Variants in REDIC1 observed in about 807,000 individuals in gnomAD.
REDIC1 encodes HEI10 Interacting Protein 1.
At chr12:39,722,376 A>T in the REDIC1 span, among the ~76,000 whole-genome samples, 2 of 152,292 alleles carry the variant, frequency 1.3e-5, no homozygotes, top group Non-Finnish European at 1.5e-5. Flanking sequence ...GAATATAATT[A>T]TCTGATATAT....
At chr12:39,718,581 A>G in the REDIC1 span, among the ~76,000 whole-genome samples, 5 of 152,254 alleles carry the variant, frequency 3.3e-5, no homozygotes, top group South Asian at 8.3e-4. Flanking sequence ...ACCTGACTGC[A>G]TTTGCACAAA....
At chr12:39,697,487 AACT>A in the REDIC1 span, among the ~76,000 whole-genome samples, 1 of 152,254 alleles carries the variant, frequency 6.6e-6, no homozygotes, top group African/African-American at 2.4e-5. Flanking sequence ...AATGTGTGTA[AACT>A]ACTCATATCT....
the REDIC1 span, among the ~76,000 whole-genome samples, chr12:39,840,320 G>A: frequency 1.3e-5 from 2 of 151,834 alleles, no homozygotes; most frequent in South Asian, 4.2e-4. Context: ...TCTTCTAAAG[G>A]GGCCTGCTTC....
chr12:39,864,448 A>T, the REDIC1 span, among the ~76,000 whole-genome samples: 3 of 152,236 alleles, frequency 2.0e-5, no homozygotes, highest in African/African-American at 7.2e-5. Context: ...ACTGAATTGT[A>T]TATGATCTAA....
chr12:39,806,453 A>C, the REDIC1 span, among the ~76,000 whole-genome samples: 1 of 152,186 alleles, frequency 6.6e-6, no homozygotes, highest in Non-Finnish European at 1.5e-5. Context: ...TACAGGATAT[A>C]TATTTTCCCT....
chr12:39,703,912 T>C, the REDIC1 span, among the ~76,000 whole-genome samples: 3 of 152,092 alleles, frequency 2.0e-5, no homozygotes, highest in Non-Finnish European at 4.4e-5. Flanking sequence ...TTACACCTCA[T>C]ACAAAAATCA....
the REDIC1 span, among the ~76,000 whole-genome samples, chr12:39,777,761 T>C: frequency 2.0e-5 from 3 of 152,178 alleles, no homozygotes; most frequent in African/African-American, 7.2e-5. Context: ...AGTGGCAGAA[T>C]GACATGGAGT....
At chr12:39,758,038 TATGAG>T in the REDIC1 span, 2 of 151,750 alleles carry the variant, frequency 1.3e-5, no homozygotes, top group African/African-American at 4.8e-5. Context: ...AGAAATTTCT[TATGAG>T]ATAAGAAATA....
chr12:39,697,129 CAAGT>C, the REDIC1 span, among the ~76,000 whole-genome samples: 2 of 152,092 alleles, frequency 1.3e-5, no homozygotes, highest in African/African-American at 4.8e-5. Flanking sequence ...AGAAAAGAAA[CAAGT>C]AACATACAAT....
chr12:39,701,830 T>G, the REDIC1 span, among the ~76,000 whole-genome samples: 1 of 151,838 alleles, frequency 6.6e-6, no homozygotes, highest in African/African-American at 2.4e-5. Flanking sequence ...AACCTGCTCC[T>G]GAATGACTAC....
At chr12:39,657,054 G>C in the REDIC1 span, among the ~76,000 whole-genome samples, 1 of 152,154 alleles carries the variant, frequency 6.6e-6, no homozygotes, top group Admixed American at 6.5e-5. Flanking sequence ...GTCTACAGTA[G>C]TGTATAGTAA....
the REDIC1 span, among the ~76,000 whole-genome samples, chr12:39,827,280 CTTGGTT>C: frequency 6.6e-6 from 1 of 152,080 alleles, no homozygotes; most frequent in African/African-American, 2.4e-5. Flanking sequence ...AGCAAAGGCT[CTTGGTT>C]TTGCTTTTTC....
At chr12:39,799,196 C>CCTT in the REDIC1 span, among the ~76,000 whole-genome samples, 1 of 150,448 alleles carries the variant, frequency 6.6e-6, no homozygotes, top group Non-Finnish European at 1.5e-5. Flanking sequence ...GATTCTCCTA[C>CCTT]CTTCTACCTT....
the REDIC1 span, among the ~76,000 whole-genome samples, chr12:39,810,037 G>A: frequency 2.0e-5 from 3 of 152,146 alleles, no homozygotes; most frequent in Non-Finnish European, 4.4e-5. Flanking sequence ...TGGGATGGCT[G>A]GGGCAAATGG....
At chr12:39,893,667 A>G in the REDIC1 span, among the ~76,000 whole-genome samples, 2 of 152,174 alleles carry the variant, frequency 1.3e-5, no homozygotes, top group African/African-American at 2.4e-5. Context: ...GTTAAATTCT[A>G]ACTAGAAAAA....
At chr12:39,890,532 A>C in the REDIC1 span, among the ~76,000 whole-genome samples, 1 of 152,212 alleles carries the variant, frequency 6.6e-6, no homozygotes, top group Non-Finnish European at 1.5e-5. Flanking sequence ...TTAATAGTAG[A>C]AGACGGAGGC....
chr12:39,711,648 CAT>C, the REDIC1 span, among the ~76,000 whole-genome samples: 104 of 136,314 alleles, frequency 7.6e-4, 1 homozygote, highest in Middle Eastern at 9.4e-3. Context: ...TGTGTATACA[CAT>C]GTATGTATGT....
chr12:39,784,824 G>T, the REDIC1 span, among the ~76,000 whole-genome samples: 1 of 152,148 alleles, frequency 6.6e-6, no homozygotes, highest in Non-Finnish European at 1.5e-5. Context: ...ACAGACTCTT[G>T]TTATGTTTTA....
At chr12:39,873,215 C>A in the REDIC1 span, among the ~76,000 whole-genome samples, 2 of 152,134 alleles carry the variant, frequency 1.3e-5, no homozygotes, top group Non-Finnish European at 2.9e-5. Context: ...TTACTGATCA[C>A]ACTAAAAAGC....
Sources: allele counts gnomAD v4.1 joint callset (sites outside exome capture counted in the v4.1 genomes callset), GRCh38; gene constraint gnomAD v4.1.1; transcripts MANE v1.5; gene names NCBI Gene and HGNC (gene_info 2026-07-23, HGNC 2026-07-21).